Variants in KCNH8 observed in about 807,000 individuals in gnomAD.
KCNH8 encodes the protein potassium voltage-gated channel subfamily H member 8, also known as voltage-gated delayed rectifier potassium channel KCNH8.
Under a neutral mutation model 103.6 loss-of-function variants are expected in KCNH8, and 70 were observed. That is an observed-to-expected ratio of 0.68 (90% confidence interval 0.56 to 0.82). The LOEUF is 0.82. Ranked by LOEUF, KCNH8 falls within the 40% of genes least tolerant of loss-of-function variation. The pLI, the probability that KCNH8 is intolerant of heterozygous loss-of-function variation, is 0.00. For missense variants in KCNH8, 1,217 were observed against 1,329.9 expected (o/e 0.92, Z 1.32); for synonymous variants, 498 against 489.4 (o/e 1.02, Z -0.23).
At chr3:19,233,869 T>C (rs2064026038) in intron 1 of KCNH8, among the ~76,000 whole-genome samples, 1 of 152,208 alleles carries the variant, frequency 6.6e-6, no homozygotes, top group African/African-American at 2.4e-5. Flanking sequence ...TCGGAGTTTC[T>C]GCTTTCTGGT....
chr3:19,392,777 A>G (rs2066458011), intron 6 of KCNH8, among the ~76,000 whole-genome samples: 1 of 152,002 alleles, frequency 6.6e-6, no homozygotes, highest in South Asian at 2.1e-4. Flanking sequence ...AGGCACTTAT[A>G]AGAGATACAA....
intron 1 of KCNH8, among the ~76,000 whole-genome samples, chr3:19,232,021 T>C (rs1205728928): frequency 6.6e-6 from 1 of 152,234 alleles, no homozygotes; most frequent in African/African-American, 2.4e-5. Context: ...CTATGCTGAA[T>C]TGCTTTCACA....
intron 5 of KCNH8, among the ~76,000 whole-genome samples, chr3:19,368,604 A>T (rs1283443065): frequency 6.6e-6 from 1 of 152,022 alleles, no homozygotes; most frequent in Non-Finnish European, 1.5e-5. Flanking sequence ...GTTTCAAGAG[A>T]CCGTCCTCAA....
chr3:19,281,048 T>A, intron 2 of KCNH8, 150 bp from the exon 3 acceptor site: 1 of 707,766 alleles, frequency 1.4e-6, no homozygotes, highest in South Asian at 1.8e-5. Context: ...TAGAAATTTA[T>A]GGAACCTGAA....
intron 2 of KCNH8, among the ~76,000 whole-genome samples, chr3:19,263,566 G>A (rs950352048): frequency 1.3e-5 from 2 of 152,072 alleles, no homozygotes; most frequent in African/African-American, 4.8e-5. Context: ...AAGTGCCTAC[G>A]CAAGGCCTCG....
At chr3:19,384,688 T>A (rs1353091653) in intron 5 of KCNH8, among the ~76,000 whole-genome samples, 1 of 152,096 alleles carries the variant, frequency 6.6e-6, no homozygotes, top group Non-Finnish European at 1.5e-5. Context: ...GGCTGTGGAG[T>A]AACAAGAACT....
intron 10 of KCNH8, among the ~76,000 whole-genome samples, chr3:19,455,343 T>A (rs527977903): frequency 6.6e-6 from 1 of 152,302 alleles, no homozygotes; most frequent in Admixed American, 6.5e-5. Context: ...TGCCTAATTA[T>A]AACTAAACGT....
intron 1 of KCNH8, 58 bp from the exon 2 acceptor site, chr3:19,253,596 G>C: frequency 3.2e-6 from 4 of 1,256,420 alleles, no homozygotes; most frequent in South Asian, 1.2e-5. Flanking sequence ...TACAGGAATT[G>C]TGTATAAATT....
At chr3:19,176,852 A>G (rs2063404713) in intron 1 of KCNH8, among the ~76,000 whole-genome samples, 1 of 152,188 alleles carries the variant, frequency 6.6e-6, no homozygotes, top group Non-Finnish European at 1.5e-5. Context: ...TAAAGGAGAT[A>G]TAGGAGTTAA....
At chr3:19,189,830 A>G (rs574090594) in intron 1 of KCNH8, among the ~76,000 whole-genome samples, 9 of 152,186 alleles carry the variant, frequency 5.9e-5, no homozygotes, top group African/African-American at 1.9e-4. Context: ...ATTCCATCAC[A>G]TATCAGTTGC....
At chr3:19,292,561 A>G (rs776461170) in intron 3 of KCNH8, among the ~76,000 whole-genome samples, 15 of 152,246 alleles carry the variant, frequency 9.9e-5, no homozygotes, top group Admixed American at 6.5e-5. Flanking sequence ...AAACCTAACT[A>G]ACACAAGATT....
intron 7 of KCNH8, among the ~76,000 whole-genome samples, chr3:19,412,415 G>A (rs545786797): frequency 1.6e-4 from 24 of 151,998 alleles, no homozygotes; most frequent in Non-Finnish European, 3.1e-4. Flanking sequence ...AGAGTTAAAT[G>A]TAAGACCTCA....
intron 1 of KCNH8, among the ~76,000 whole-genome samples, chr3:19,221,002 A>AAT (rs1023254195): frequency 1.3e-3 from 197 of 152,252 alleles, no homozygotes; most frequent in African/African-American, 4.5e-3. Flanking sequence ...TTTCAAAAGG[A>AAT]ATATATTTTA....
At chr3:19,292,090 C>T (rs151315567) in intron 3 of KCNH8, among the ~76,000 whole-genome samples, 5 of 152,152 alleles carry the variant, frequency 3.3e-5, no homozygotes, top group African/African-American at 1.2e-4. Context: ...TCCATTCAAA[C>T]CAGTTGAGTA....
intron 12 of KCNH8, among the ~76,000 whole-genome samples, chr3:19,512,571 G>A (rs997810717): frequency 6.6e-6 from 1 of 152,106 alleles, no homozygotes; most frequent in African/African-American, 2.4e-5. Flanking sequence ...TAAATAACAA[G>A]GCCTAAGACC....
At chr3:19,242,414 G>A (rs1234008873) in intron 1 of KCNH8, among the ~76,000 whole-genome samples, 4 of 152,144 alleles carry the variant, frequency 2.6e-5, no homozygotes, top group Non-Finnish European at 5.9e-5. Context: ...AGGATTATAG[G>A]TTGGGCATGA....
intron 11 of KCNH8, among the ~76,000 whole-genome samples, chr3:19,468,803 T>C (rs2067795496): frequency 6.6e-6 from 1 of 152,204 alleles, no homozygotes. Context: ...GACTTCATGA[T>C]TCCTTCCTTA....
intron 2 of KCNH8, among the ~76,000 whole-genome samples, chr3:19,269,315 C>A (rs1200820249): frequency 4.0e-5 from 6 of 151,896 alleles, no homozygotes; most frequent in Non-Finnish European, 8.8e-5. Context: ...AATTTTGAGT[C>A]CCCCAAATTA....
At chr3:19,339,209 A>G (rs999419373) in intron 3 of KCNH8, among the ~76,000 whole-genome samples, 1 of 152,092 alleles carries the variant, frequency 6.6e-6, no homozygotes, top group Non-Finnish European at 1.5e-5. Flanking sequence ...TAAGATGATA[A>G]AATTGCAATT....
Sources: allele counts gnomAD v4.1 joint callset (sites outside exome capture counted in the v4.1 genomes callset), GRCh38; gene constraint gnomAD v4.1.1; transcripts MANE v1.5; gene names NCBI Gene and HGNC (gene_info 2026-07-23, HGNC 2026-07-21).